CNTNAP5: variants seen among roughly 807,000 people sequenced by gnomAD.
The protein encoded by CNTNAP5 is contactin associated protein family member 5.
CNTNAP5 carries 72 observed loss-of-function variants against 150.2 expected under a neutral mutation model. The ratio of observed to expected loss-of-function variants is 0.48; its 90% CI spans 0.40 to 0.58. The LOEUF (loss-of-function observed/expected upper bound fraction) is 0.58. Among genes scored for constraint, CNTNAP5 ranks in the 20% least tolerant of loss-of-function variants. The pLI, the probability that CNTNAP5 is intolerant of heterozygous loss-of-function variation, is 0.00. For missense variants in CNTNAP5, 1,636 were observed against 1,626.2 expected, an observed-to-expected ratio of 1.01 and a Z score of -0.10; for synonymous variants, 672 against 619.8, an observed-to-expected ratio of 1.08 and a Z score of -1.25.
At chr2:124,763,415 T>C (rs1180291474) in intron 14 of CNTNAP5, among the ~76,000 whole-genome samples, 1 of 152,144 alleles carries the variant, frequency 6.6e-6, no homozygotes, top group Non-Finnish European at 1.5e-5. Context: ...GCAGCATCTT[T>C]GTAAACTATC....
At chr2:124,507,923 A>T (rs1694452724) in intron 8 of CNTNAP5, among the ~76,000 whole-genome samples, 1 of 152,194 alleles carries the variant, frequency 6.6e-6, no homozygotes, top group East Asian at 1.9e-4. Context: ...TCTTTTTATA[A>T]TCTAATATTG....
intron 3 of CNTNAP5, among the ~76,000 whole-genome samples, chr2:124,337,980 G>A (rs1378185165): frequency 3.9e-5 from 6 of 152,106 alleles, no homozygotes; most frequent in Admixed American, 3.9e-4. Flanking sequence ...TCATGATATT[G>A]ATTCTTCCTA....
intron 19 of CNTNAP5, among the ~76,000 whole-genome samples, chr2:124,817,506 T>C (rs543704390): frequency 9.8e-5 from 15 of 152,298 alleles, no homozygotes; most frequent in African/African-American, 2.4e-4. Flanking sequence ...TTCTAATCTA[T>C]ACCATGAGGT....
chr2:124,710,200 A>G (rs1395879619), intron 13 of CNTNAP5, among the ~76,000 whole-genome samples: 1 of 152,110 alleles, frequency 6.6e-6, no homozygotes, highest in Non-Finnish European at 1.5e-5. Flanking sequence ...CAGTGTTGCC[A>G]AGACTTCTGA....
chr2:124,392,522 G>A (rs1490336792), intron 3 of CNTNAP5, among the ~76,000 whole-genome samples: 1 of 152,036 alleles, frequency 6.6e-6, no homozygotes, highest in Non-Finnish European at 1.5e-5. Context: ...AATTAAGACT[G>A]AGATTATATC....
chr2:124,826,561 G>A (rs185949705), intron 19 of CNTNAP5, among the ~76,000 whole-genome samples: 1 of 151,958 alleles, frequency 6.6e-6, no homozygotes, highest in South Asian at 2.1e-4. Context: ...GGCTACACAG[G>A]GTTTGCAAAG....
chr2:124,037,318 C>T (rs1238510836), intron 1 of CNTNAP5, among the ~76,000 whole-genome samples: 5 of 152,202 alleles, frequency 3.3e-5, no homozygotes, highest in East Asian at 1.9e-4. Flanking sequence ...CATAATATTT[C>T]ACCCCTAAAG....
At chr2:124,384,804 G>T (rs1321681245) in intron 3 of CNTNAP5, among the ~76,000 whole-genome samples, 1 of 152,116 alleles carries the variant, frequency 6.6e-6, no homozygotes, top group Non-Finnish European at 1.5e-5. Flanking sequence ...GTTCTAACCC[G>T]CAAAGTGAAA....
chr2:124,421,535 G>C (rs1049144035), intron 4 of CNTNAP5, among the ~76,000 whole-genome samples: 5 of 152,154 alleles, frequency 3.3e-5, no homozygotes, highest in Non-Finnish European at 7.4e-5. Flanking sequence ...ACTTTTGTGA[G>C]TAGAAGCCTC....
intron 17 of CNTNAP5, among the ~76,000 whole-genome samples, chr2:124,784,327 T>G (rs1681519143): frequency 2.0e-5 from 3 of 152,160 alleles, no homozygotes; most frequent in Admixed American, 2.0e-4. Flanking sequence ...AAATAGAGGC[T>G]CCGCGTTTGT....
intron 1 of CNTNAP5, among the ~76,000 whole-genome samples, chr2:124,044,274 A>C (rs928754996): frequency 1.3e-5 from 2 of 152,278 alleles, no homozygotes; most frequent in East Asian, 3.9e-4. Context: ...TAGATGAATA[A>C]ATTTATGTTT....
chr2:124,576,641 T>C (rs1418290769), intron 11 of CNTNAP5, among the ~76,000 whole-genome samples: 1 of 152,040 alleles, frequency 6.6e-6, no homozygotes, highest in Admixed American at 6.6e-5. Context: ...GGCAATGCAG[T>C]ATGAAAAAGG....
intron 3 of CNTNAP5, among the ~76,000 whole-genome samples, chr2:124,260,746 A>G (rs959329245): frequency 1.3e-5 from 2 of 152,224 alleles, no homozygotes; most frequent in African/African-American, 4.8e-5. Flanking sequence ...TTTTAGCTTT[A>G]AAAGGAAACA....
chr2:124,173,202 C>T (rs1044197996), intron 1 of CNTNAP5, among the ~76,000 whole-genome samples: 2 of 152,172 alleles, frequency 1.3e-5, no homozygotes, highest in Non-Finnish European at 2.9e-5. Flanking sequence ...CACTCCCTCT[C>T]CTTGGGCCTC....
intron 11 of CNTNAP5, among the ~76,000 whole-genome samples, chr2:124,591,198 C>T (rs1206390995): frequency 2.6e-5 from 4 of 152,142 alleles, no homozygotes; most frequent in African/African-American, 9.7e-5. Flanking sequence ...CTAATGGAGA[C>T]AAATCTTGTT....
chr2:124,451,051 A>AATATATATATAT (rs1553469335), intron 6 of CNTNAP5, among the ~76,000 whole-genome samples: 5 of 65,306 alleles, frequency 7.7e-5, no homozygotes, highest in African/African-American at 2.9e-4. Context: ...AAAAAAAAAA[A>AATATATATATAT]ATATATATAT....
chr2:124,431,547 TATTATATATAATTTCTTTATATAAAC>T (rs1558899220), intron 4 of CNTNAP5, among the ~76,000 whole-genome samples: 7 of 92,146 alleles, frequency 7.6e-5, no homozygotes, highest in South Asian at 6.0e-4. Context: ...TTTATATAAA[TATTATATATAATTTCTTTATATAAAC>T]ATTATATATA....
At chr2:124,554,595 A>AT (rs908179703) in intron 10 of CNTNAP5, among the ~76,000 whole-genome samples, 4 of 151,886 alleles carry the variant, frequency 2.6e-5, no homozygotes, top group South Asian at 2.1e-4. Flanking sequence ...TAATATTTGA[A>AT]TTTTTTTGTA....
At chr2:124,602,476 A>G (rs968227505) in intron 11 of CNTNAP5, among the ~76,000 whole-genome samples, 61 of 151,458 alleles carry the variant, frequency 4.0e-4, no homozygotes, top group African/African-American at 1.4e-3. Flanking sequence ...TTGATGCAAC[A>G]TCTTATTTAT....
Sources: allele counts gnomAD v4.1 joint callset (sites outside exome capture counted in the v4.1 genomes callset), GRCh38; gene constraint gnomAD v4.1.1; transcripts MANE v1.5; gene names NCBI Gene and HGNC (gene_info 2026-07-23, HGNC 2026-07-21).